Variants in SPIRE1 observed in about 807,000 individuals in gnomAD.
SPIRE1 encodes protein spire homolog 1.
A neutral mutation model predicts 94.1 loss-of-function variants in SPIRE1; 40 were observed. The ratio of observed to expected loss-of-function variants is 0.43; its 90% CI spans 0.33 to 0.55. The LOEUF (loss-of-function observed/expected upper bound fraction) is 0.55. Ranked by LOEUF, SPIRE1 falls within the 20% of genes least tolerant of loss-of-function variation. The pLI is 0.06. For synonymous variants in SPIRE1, 376 were observed against 371.7 expected (o/e 1.01, Z -0.13); for missense variants, 838 against 975.2 (o/e 0.86, Z 1.87).
At chr18:12,603,312 T>C (rs2144649087) in intron 2 of SPIRE1, among the ~76,000 whole-genome samples, 1 of 152,316 alleles carries the variant, frequency 6.6e-6, no homozygotes, top group East Asian at 1.9e-4. Context: ...TGTGTTTGCT[T>C]TTCTGGGGAA....
chr18:12,553,342 C>G (rs1192569461), intron 2 of SPIRE1, among the ~76,000 whole-genome samples: 1 of 152,108 alleles, frequency 6.6e-6, no homozygotes, highest in Non-Finnish European at 1.5e-5. Context: ...CAGAGGGGAG[C>G]CCACTGCCCT....
At chr18:12,580,267 G>T (rs189586703) in intron 2 of SPIRE1, among the ~76,000 whole-genome samples, 1 of 152,234 alleles carries the variant, frequency 6.6e-6, no homozygotes, top group African/African-American at 2.4e-5. Flanking sequence ...GTGTTGCAGG[G>T]TTGGAGAGGA....
intron 1 of SPIRE1, chr18:12,653,432 G>A (rs2038436536): frequency 6.6e-6 from 1 of 152,154 alleles, no homozygotes; most frequent in East Asian, 1.9e-4. Flanking sequence ...CCTCACTTAT[G>A]CCCCAATCCT....
At chr18:12,630,001 C>A (rs1214201691) in intron 2 of SPIRE1, among the ~76,000 whole-genome samples, 2 of 152,028 alleles carry the variant, frequency 1.3e-5, no homozygotes, top group Non-Finnish European at 2.9e-5. Context: ...AAAAGTTAAT[C>A]AAATACCTAT....
At chr18:12,649,807 A>T (rs1221341392) in intron 1 of SPIRE1, among the ~76,000 whole-genome samples, 1 of 152,208 alleles carries the variant, frequency 6.6e-6, no homozygotes, top group Non-Finnish European at 1.5e-5. Flanking sequence ...AATTCTTTCT[A>T]CTGTTTCCCT....
At chr18:12,461,084 A>G (rs1460716304) in intron 12 of SPIRE1, among the ~76,000 whole-genome samples, 1 of 152,064 alleles carries the variant, frequency 6.6e-6, no homozygotes, top group East Asian at 1.9e-4. Context: ...CTGCTCCACA[A>G]AAAAACAGTG....
At chr18:12,554,996 C>A (rs990628150) in intron 2 of SPIRE1, among the ~76,000 whole-genome samples, 7 of 152,158 alleles carry the variant, frequency 4.6e-5, no homozygotes, top group Admixed American at 1.3e-4. Flanking sequence ...TCAAATCCCC[C>A]ACCCATCATG....
intron 1 of SPIRE1, among the ~76,000 whole-genome samples, chr18:12,656,258 T>C (rs1011758217): frequency 3.9e-5 from 6 of 152,148 alleles, no homozygotes; most frequent in African/African-American, 7.2e-5. Context: ...TAAATTATAA[T>C]TGCAAGTATT....
At chr18:12,640,505 A>G (rs2038055875) in intron 1 of SPIRE1, among the ~76,000 whole-genome samples, 1 of 152,240 alleles carries the variant, frequency 6.6e-6, no homozygotes, top group African/African-American at 2.4e-5. Context: ...GTAGTAAACA[A>G]GCTAGACACA....
chr18:12,543,478 T>C (rs754290219), intron 3 of SPIRE1, among the ~76,000 whole-genome samples: 7 of 152,196 alleles, frequency 4.6e-5, no homozygotes, highest in African/African-American at 1.2e-4. Context: ...ACTTTGAAGA[T>C]AGCATTCCAC....
At chr18:12,631,548 CAAAAAAAAAAAA>C (rs869278182) in intron 2 of SPIRE1, among the ~76,000 whole-genome samples, 3 of 63,804 alleles carry the variant, frequency 4.7e-5, no homozygotes, top group African/African-American at 2.1e-4. Flanking sequence ...CCCATCTCTA[CAAAAAAAAAAAA>C]AAAAAAAAAA....
chr18:12,452,273 G>T lies in SPIRE1; in HGVS notation c.1994C>A (p.Pro665Gln), dbSNP rs762242022. ...SEKPSTAHHR[P>Q]LRSIARFSSK... The stretch of plus-strand genomic sequence containing the variant: ...TGCTCACCTGGCAATGCTCCGAAGT[G>T]GCCGATGATGGGCAGTGGAGGGTTT... The change falls in exon 16 of 17, where the codon CCA (proline) becomes CAA (glutamine). Residue 665 changes from proline to glutamine, a missense_variant. Physicochemically the swap from Pro to Gln is moderately conservative, Grantham distance 76. Coordinates refer to ENST00000409402, the MANE Select transcript of SPIRE1 (RefSeq NM_001128626.2). 3.1e-6 allele frequency: 5 copies of T among 1,613,996 alleles called. No individual in the cohort carries two copies. The South Asian group carries it at 5.5e-5, about 18-fold the overall frequency.
chr18:12,643,317 A>G (rs370393665), intron 1 of SPIRE1, among the ~76,000 whole-genome samples: 47 of 152,314 alleles, frequency 3.1e-4, no homozygotes, highest in African/African-American at 1.0e-3. Context: ...ATACATAGAC[A>G]TATCACTAGA....
At chr18:12,557,097 G>A (rs557928918) in intron 2 of SPIRE1, among the ~76,000 whole-genome samples, 39 of 152,346 alleles carry the variant, frequency 2.6e-4, no homozygotes, top group African/African-American at 7.5e-4. Flanking sequence ...AGTGGATCCC[G>A]CGTTGGGGCT....
At chr18:12,543,581 TC>T (rs1482672249) in intron 3 of SPIRE1, among the ~76,000 whole-genome samples, 1 of 152,264 alleles carries the variant, frequency 6.6e-6, no homozygotes, top group East Asian at 1.9e-4. Context: ...ACCCTAAGGC[TC>T]CAGTAATAGA....
chr18:12,549,379 C>T (rs77079191), intron 2 of SPIRE1, among the ~76,000 whole-genome samples: 12,115 of 150,994 alleles, frequency 0.08, 628 homozygotes, highest in Middle Eastern at 0.17. Context: ...TGACTCTAAC[C>T]ATCCATATAA....
chr18:12,548,738 T>C (rs1384720388), intron 2 of SPIRE1, among the ~76,000 whole-genome samples: 2 of 151,722 alleles, frequency 1.3e-5, no homozygotes, highest in African/African-American at 4.8e-5. Flanking sequence ...TTAGCCTCCC[T>C]AGTAGCTGGG....
chr18:12,627,285 C>T (rs2037658245), intron 2 of SPIRE1, among the ~76,000 whole-genome samples: 1 of 144,992 alleles, frequency 6.9e-6, no homozygotes, highest in Non-Finnish European at 1.5e-5. Flanking sequence ...TTGTTCAATT[C>T]CCACCTATGA....
intron 2 of SPIRE1, among the ~76,000 whole-genome samples, chr18:12,614,456 C>T (rs2144700923): frequency 6.6e-6 from 1 of 152,276 alleles, no homozygotes; most frequent in African/African-American, 2.4e-5. Flanking sequence ...GAAACTCTTT[C>T]CCTGGTTTTT....
Sources: allele counts gnomAD v4.1 joint callset (sites outside exome capture counted in the v4.1 genomes callset), GRCh38; gene constraint gnomAD v4.1.1; transcripts MANE v1.5; gene names NCBI Gene and HGNC (gene_info 2026-07-23, HGNC 2026-07-21).